Variants in ARHGAP26 observed in about 807,000 individuals in gnomAD.
ARHGAP26 encodes the protein rho GTPase-activating protein 26.
In ARHGAP26, 38 loss-of-function variants were observed where a neutral mutation model predicts 104.8. That is an observed-to-expected ratio of 0.36 (90% CI 0.28 to 0.48). ARHGAP26 has a LOEUF of 0.48. ARHGAP26 is among the 20% of genes least tolerant of loss of function. The probability of loss-of-function intolerance (pLI) is 0.99; values close to 1 mark genes in which losing one functional copy is unlikely to be tolerated. For synonymous variants in ARHGAP26, 341 were observed against 340.0 expected (o/e 1.00, Z -0.03); for missense variants, 704 against 947.9 (o/e 0.74, Z 3.38).
At chr5:143,212,786 T>C (rs1809698843) in intron 21 of ARHGAP26, among the ~76,000 whole-genome samples, 1 of 152,258 alleles carries the variant, frequency 6.6e-6, no homozygotes, top group Non-Finnish European at 1.5e-5. Flanking sequence ...TTTGCCACCT[T>C]CTGCTCTAGA....
chr5:142,800,551 C>T (rs772523837), intron 1 of ARHGAP26, among the ~76,000 whole-genome samples: 7 of 151,964 alleles, frequency 4.6e-5, no homozygotes, highest in Non-Finnish European at 7.4e-5. Flanking sequence ...TTAGCAGAGT[C>T]GGGGTTTCAC....
At chr5:142,863,108 T>TC in intron 1 of ARHGAP26, among the ~76,000 whole-genome samples, 1 of 148,458 alleles carries the variant, frequency 6.7e-6, no homozygotes, top group South Asian at 2.1e-4. Flanking sequence ...CAAGTGAGGT[T>TC]TTTTTTTTTT....
rs1048217728 is a variant in ARHGAP26, at chr5:142,986,665, T to C, written c.1108-27415T>C. Among the ~76,000 whole-genome samples the C allele has an allele frequency of 3.0e-4, 45 of 152,232 alleles. 1 individual carries two copies. Among genetic ancestry groups the C allele is most frequent in the Admixed American group, 1.2e-3 (18 of 15,288 alleles). On this transcript the variant is annotated intron_variant, in intron 11 of 22. Transcript: ENST00000645722. ...CCAACATTTAAGTCTTTAATCCATC[T>C]TGAATTAATGTTTGTATAAGGTGTA...
At chr5:143,172,518 T>G (rs1802920816) in intron 20 of ARHGAP26, among the ~76,000 whole-genome samples, 1 of 152,220 alleles carries the variant, frequency 6.6e-6, no homozygotes, top group African/African-American at 2.4e-5. Context: ...TATTAATTTG[T>G]CATGTGAATC....
chr5:142,819,671 C>T (rs965063731), intron 1 of ARHGAP26, among the ~76,000 whole-genome samples: 5 of 152,180 alleles, frequency 3.3e-5, no homozygotes, highest in African/African-American at 9.7e-5. Flanking sequence ...TGTACAGTGA[C>T]ACAATGTTTT....
At chr5:143,216,504 G>A (rs963938796) in intron 22 of ARHGAP26, 31 of 326,190 alleles carry the variant, frequency 9.5e-5, no homozygotes, top group South Asian at 9.8e-5. Context: ...AAGCAAGGTC[G>A]GCAAACTATG....
At chr5:143,125,790 A>G (rs1037062931) in intron 18 of ARHGAP26, among the ~76,000 whole-genome samples, 1 of 152,222 alleles carries the variant, frequency 6.6e-6, no homozygotes, top group Non-Finnish European at 1.5e-5. Context: ...ATATTGTGCT[A>G]AGCAGCTTTA....
chr5:142,865,350 C>G (rs1396808247), intron 1 of ARHGAP26, among the ~76,000 whole-genome samples: 2 of 152,086 alleles, frequency 1.3e-5, no homozygotes, highest in East Asian at 3.8e-4. Context: ...TCACTTAACT[C>G]TCAATGTTCT....
intron 17 of ARHGAP26, among the ~76,000 whole-genome samples, chr5:143,085,053 AAAAAAAAAAAAAAAG>A (rs1790365310): frequency 6.6e-6 from 1 of 151,464 alleles, no homozygotes; most frequent in South Asian, 2.1e-4. Context: ...TCAAAAAAAA[AAAAAAAAAAAAAAAG>A]AAACGCTTTC....
chr5:143,026,576 G>A (rs982581749), intron 12 of ARHGAP26, among the ~76,000 whole-genome samples: 1 of 152,106 alleles, frequency 6.6e-6, no homozygotes, highest in African/African-American at 2.4e-5. Context: ...AGCTACTTGT[G>A]TTCTAGGAAT....
At chr5:143,104,584 A>T (rs951543943) in intron 17 of ARHGAP26, among the ~76,000 whole-genome samples, 6 of 152,198 alleles carry the variant, frequency 3.9e-5, no homozygotes, top group Non-Finnish European at 5.9e-5. Flanking sequence ...TATTCTAGGG[A>T]AAGAAAGATA....
At chr5:142,956,106 G>A (rs569729156) in intron 11 of ARHGAP26, among the ~76,000 whole-genome samples, 5 of 152,200 alleles carry the variant, frequency 3.3e-5, no homozygotes, top group African/African-American at 7.2e-5. Flanking sequence ...AGGCATCCTT[G>A]TTTATCTATG....
At chr5:142,923,233 A>T (rs570794070) in intron 10 of ARHGAP26, among the ~76,000 whole-genome samples, 41 of 152,262 alleles carry the variant, frequency 2.7e-4, no homozygotes, top group African/African-American at 9.9e-4. Flanking sequence ...TGCCTGGTGA[A>T]ATATGGAGTT....
intron 1 of ARHGAP26, among the ~76,000 whole-genome samples, chr5:142,781,179 T>G (rs935869449): frequency 1.3e-5 from 2 of 152,152 alleles, no homozygotes; most frequent in Admixed American, 6.5e-5. Context: ...AACTGAAGGC[T>G]TATCGAGCCC....
chr5:143,148,751 A>G (rs987581081), intron 20 of ARHGAP26, among the ~76,000 whole-genome samples: 3 of 152,190 alleles, frequency 2.0e-5, no homozygotes, highest in African/African-American at 7.2e-5. Context: ...GTTCTCCTAT[A>G]CCCACTTTCC....
At chr5:143,075,164 A>G (rs1380273197) in intron 17 of ARHGAP26, among the ~76,000 whole-genome samples, 1 of 152,238 alleles carries the variant, frequency 6.6e-6, no homozygotes, top group African/African-American at 2.4e-5. Context: ...TACCTAGAAC[A>G]AGAGTTGTCA....
chr5:143,099,310 G>A (rs1225921764), intron 17 of ARHGAP26, among the ~76,000 whole-genome samples: 1 of 152,036 alleles, frequency 6.6e-6, no homozygotes, highest in African/African-American at 2.4e-5. Context: ...CCCTGGGCAG[G>A]TGGGGGGCAC....
chr5:143,038,127 G>A (rs186730515), intron 13 of ARHGAP26, among the ~76,000 whole-genome samples: 2 of 152,314 alleles, frequency 1.3e-5, no homozygotes, highest in Admixed American at 6.5e-5. Flanking sequence ...GATTTGAACC[G>A]TTGTCAGAGA....
chr5:142,883,049 T>C (rs753026209), intron 4 of ARHGAP26, among the ~76,000 whole-genome samples: 2 of 152,226 alleles, frequency 1.3e-5, no homozygotes, highest in Non-Finnish European at 2.9e-5. Flanking sequence ...TTATCTAAGC[T>C]GTAGTACTTT....
Sources: gnomAD v4.1 joint callset for allele counts (sites outside exome capture counted in the v4.1 genomes callset) on GRCh38, gnomAD v4.1.1 for gene constraint, MANE v1.5 for transcripts, NCBI Gene and HGNC (gene_info 2026-07-23, HGNC 2026-07-21) for gene names.